The following CENPF variants were observed in gnomAD, a reference collection of about 807,000 sequenced individuals.
CENPF encodes AH antigen.
Under a neutral mutation model 307.3 loss-of-function variants are expected in CENPF, and 214 were observed. The ratio of observed to expected loss-of-function variants is 0.70; its 90% CI spans 0.62 to 0.78. CENPF has a LOEUF of 0.78. Ranked by LOEUF, CENPF falls within the 30% of genes least tolerant of loss-of-function variation. The probability of loss-of-function intolerance (pLI) is 0.00; values close to 1 mark genes in which losing one functional copy is unlikely to be tolerated. For synonymous variants in CENPF, 1,259 were observed against 1,270.6 expected (o/e 0.99, Z 0.19); for missense variants, 3,401 against 3,483.9 (o/e 0.98, Z 0.60).
At chr1:214,638,369 T>C (rs1658018050) in intron 11 of CENPF, among the ~76,000 whole-genome samples, 1 of 152,238 alleles carries the variant, frequency 6.6e-6, no homozygotes, top group Non-Finnish European at 1.5e-5. Context: ...TCCTGACTCA[T>C]TACCATTTCC....
Position 214,659,039 on chromosome 1 carries a change from G to A in CENPF, c.9141+11G>A. ...AGCAGATCACAAAAGGTAAACTACTGTCAACATCCGTCTACTGTTTGAGAT... is the reference window on the plus strand; with the variant it reads ...AGCAGATCACAAAAGGTAAACTACTATCAACATCCGTCTACTGTTTGAGAT... On this transcript the variant is annotated intron_variant, in intron 19 of 19. Transcript: ENST00000366955. This position sits in a 1 kb window ranked among gnomAD's most constrained non-coding sequence, Gnocchi z 4.4. 1 of 1,613,566 alleles carries A rather than the reference G, an allele frequency of 6.2e-7. No individual in the cohort carries two copies. Among genetic ancestry groups the A allele is most frequent in the South Asian group, 1.1e-5 (1 of 91,032 alleles).
At position 214,646,037 on chromosome 1, in the gene CENPF, T is replaced by G. The variant is rs762647448; in HGVS notation, c.6467T>G (p.Val2156Gly). 8 of 1,613,814 alleles carry G rather than the reference T, an allele frequency of 5.0e-6. No individual in the cohort carries two copies. The highest frequency in any genetic ancestry group is 6.8e-6 in the Non-Finnish European group (8 of 1,180,014). The change falls in exon 13 of 20, where the codon GTT (valine) becomes GGT (glycine). Residue 2156 changes from valine to glycine, a missense_variant. Transcript: ENST00000366955. ...GAGAATGATTCACTTAAGGATAAAG[T>G]TGAGAACCTTGAAAGGGAATTGCAG... ...ERENDSLKDK[V>G]ENLERELQMS... is the part of the protein sequence containing the mutation.
rs1425283943 is a variant in CENPF at position 214,641,586 on chromosome 1, A to G, written c.3248A>G (p.Gln1083Arg). The G allele has an allele frequency of 1.9e-6, 3 of 1,543,416 alleles. No homozygotes were observed. The highest frequency in any genetic ancestry group is 4.5e-5 in the Admixed American group (2 of 43,998). Residue 1083 changes from glutamine to arginine, a missense_variant, in exon 12 of 20, where the codon CAA (glutamine) becomes CGA (arginine). By Grantham distance (43) the Gln-to-Arg change is conservative. Coordinates refer to ENST00000366955, the MANE Select transcript of CENPF (RefSeq NM_016343.4). ...QLKEAFAKEH[Q>R]EFLTKLAFAE... ...AAGGAAGCATTTGCAAAGGAACACC[A>G]AGAATTCTTAACAAAATTAGCATTT... is the stretch of plus-strand genomic sequence containing the variant.
chr1:214,606,604 G>A (rs1195508261), intron 1 of CENPF, among the ~76,000 whole-genome samples: 4 of 152,148 alleles, frequency 2.6e-5, no homozygotes, highest in African/African-American at 7.2e-5. Flanking sequence ...TTGGACTCTC[G>A]GAGTCCCCAC....
In CENPF at chr1:214,642,212, T is replaced by C; in HGVS notation, c.3874T>C (p.Ser1292Pro). The C allele has an allele frequency of 6.2e-7, 1 of 1,614,150 alleles. No homozygotes were observed. The highest frequency in any genetic ancestry group is 1.3e-5 in the African/African-American group (1 of 75,048). ...AAACGACAATGCACACCTTCAGTGC[T>C]CTCTGCAAACAACAATGAACAAGCT... ...SQNDNAHLQC[S>P]LQTTMNKLNE... is the part of the protein sequence containing the mutation. Residue 1292 changes from serine to proline, a missense_variant, in exon 12 of 20, where the codon TCT becomes CCT. By Grantham distance (74) the Ser-to-Pro change is moderately conservative. Coordinates refer to ENST00000366955, the MANE Select transcript of CENPF (RefSeq NM_016343.4).
At chr1:214,660,588 C>G (rs1340213041) in intron 19 of CENPF, among the ~76,000 whole-genome samples, 1 of 152,206 alleles carries the variant, frequency 6.6e-6, no homozygotes, top group Non-Finnish European at 1.5e-5. Flanking sequence ...CAGGAGAAGT[C>G]AGGTTTAGGG....
intron 10 of CENPF, among the ~76,000 whole-genome samples, chr1:214,635,418 T>C (rs1657931213): frequency 6.6e-6 from 1 of 152,232 alleles, no homozygotes; most frequent in Admixed American, 6.5e-5. Context: ...CTTGTGGTTA[T>C]AGGGATTTTT....
chr1:214,634,015 C>T (rs1173906633), intron 10 of CENPF, among the ~76,000 whole-genome samples: 1 of 152,190 alleles, frequency 6.6e-6, no homozygotes, highest in Non-Finnish European at 1.5e-5. Flanking sequence ...TTAAAAACTG[C>T]TTGCTTGGCC....
chr1:214,656,645 C>T (rs967815369), intron 17 of CENPF, among the ~76,000 whole-genome samples: 2 of 152,126 alleles, frequency 1.3e-5, no homozygotes, highest in Admixed American at 6.5e-5. Flanking sequence ...ATATAACTGA[C>T]GCTGCAAGAA....
intron 18 of CENPF, 84 bp downstream of exon 18, chr1:214,657,493 G>T (rs1658673166): frequency 6.8e-6 from 7 of 1,033,148 alleles, no homozygotes; most frequent in Non-Finnish European, 9.9e-6. Flanking sequence ...AAAAGTATTT[G>T]CTTTTTTACA....
intron 1 of CENPF, among the ~76,000 whole-genome samples, chr1:214,607,737 G>T (rs1571690398): frequency 3.3e-5 from 5 of 152,302 alleles, no homozygotes; most frequent in Admixed American, 3.3e-4. Flanking sequence ...ACCAGTGAAG[G>T]CCCCAGGCAA....
chr1:214,608,397 G>C (rs1017941493), intron 1 of CENPF: 1 of 1,613,376 alleles, frequency 6.2e-7, no homozygotes, highest in South Asian at 1.1e-5. Flanking sequence ...CACCGTAGCC[G>C]GAGTAGTCGT....
At chr1:214,616,764 G>T (rs1329810140) in intron 3 of CENPF, among the ~76,000 whole-genome samples, 2 of 151,708 alleles carry the variant, frequency 1.3e-5, no homozygotes, top group African/African-American at 4.8e-5. Flanking sequence ...TAAATTTGGA[G>T]CTAAATGGAG....
chr1:214,615,161 C>T (rs1657302005), intron 3 of CENPF, 133 bp downstream of exon 3: 1 of 549,026 alleles, frequency 1.8e-6, no homozygotes, highest in South Asian at 3.0e-5. Flanking sequence ...ATGATTCGGT[C>T]TCTGTACCGT....
Position 214,637,936 on chromosome 1 carries a change from A to T in CENPF, c.1517A>T (p.Glu506Val), listed in dbSNP as rs140375946. 1.1e-4 allele frequency: 172 copies of T among 1,613,486 alleles called. No individual in the cohort carries two copies. In the African/African-American group the frequency reaches 1.9e-3, roughly 18 times the overall value. ...AAGGCCAGAGAAGTCTGCCACCTGGAGGCAGAACTCAAGAACATCAAACAG... is the reference window on the plus strand; with the variant it reads ...AAGGCCAGAGAAGTCTGCCACCTGGTGGCAGAACTCAAGAACATCAAACAG... ...EQKAREVCHL[E>V]AELKNIKQCL... Residue 506 changes from glutamate (E) to valine (V), a missense_variant, in exon 11 of 20, where the codon GAG becomes GTG. Transcript: ENST00000366955.
Position 214,663,878 on chromosome 1 carries a change from G to T in CENPF, c.*84G>T, listed in dbSNP as rs1020668977. On this transcript the variant is annotated 3_prime_UTR_variant, in exon 20 of 20. Transcript: ENST00000366955. ...GCCTACAGGACTTCTCTTTAGTCAG[G>T]GCATGCTTTATTAGTGAGGAGAAAA... 1 of 1,072,312 alleles carries T rather than the reference G, an allele frequency of 9.3e-7. No individual in the cohort carries two copies. The highest frequency in any genetic ancestry group is 1.6e-5 in the African/African-American group (1 of 63,224). The allele number at this position is 1,072,312 out of a possible 1,614,324, so 66.4% of individuals were successfully genotyped here.
chr1:214,618,583 G>C lies in CENPF; in HGVS notation c.370G>C (p.Glu124Gln), dbSNP rs768512814. ...LEQELKRCKS[E>Q]LERSQQAAQS... ...GTCCTTTTCTAACAGGTGTAAATCT[G>C]AGCTTGAAAGAAGCCAACAAGCTGC... Residue 124 changes from glutamate (E) to glutamine (Q), a missense_variant, in exon 4 of 20, where the codon GAG becomes CAG. By Grantham distance (29) the Glu-to-Gln change is conservative (BLOSUM62 2). Transcript: ENST00000366955. The C allele has an allele frequency of 3.1e-6, 5 of 1,613,956 alleles. No individual in the cohort carries two copies. The East Asian group carries it at 1.1e-4, about 36-fold the overall frequency.
Position 214,640,670 on chromosome 1 carries a change from GA to G in CENPF, c.2334del (p.Asp779IlefsTer22). 7 of 1,614,082 alleles carry G rather than the reference GA, an allele frequency of 4.3e-6. No individual in the cohort carries two copies. The highest frequency in any genetic ancestry group is 5.9e-6 in the Non-Finnish European group (7 of 1,180,002). On this transcript the variant is annotated frameshift_variant, in exon 12 of 20. Transcript: ENST00000366955. LOFTEE classifies it high-confidence loss of function. ...CAAAGATGCTTCTCTGGTGACAAAT[GA>G]AGATCATCAGAGAAGTCTTTTGGCT... is the stretch of plus-strand genomic sequence containing the variant. ...KSKDASLVTN[E>X]DHQRSLLAFD... is the part of the protein sequence containing the mutation.
chr1:214,626,272 G>A (rs1405653221), intron 7 of CENPF, among the ~76,000 whole-genome samples: 1 of 152,094 alleles, frequency 6.6e-6, no homozygotes, highest in African/African-American at 2.4e-5. Flanking sequence ...TTTTTCTTCA[G>A]GTCCTCAGCT....
Sources: gnomAD v4.1 joint callset for allele counts (sites outside exome capture counted in the v4.1 genomes callset) on GRCh38, gnomAD v4.1.1 for gene constraint, Gnocchi (gnomAD v3.1) non-coding constraint, MANE v1.5 for transcripts, NCBI Gene and HGNC (gene_info 2026-07-23, HGNC 2026-07-21) for gene names.